The following LRRC37A variants were observed in gnomAD, a reference collection of about 807,000 sequenced individuals.
LRRC37A encodes the protein leucine-rich repeat-containing protein 37A.
A neutral mutation model predicts 35.4 loss-of-function variants in LRRC37A; 3 were observed. That is an observed-to-expected ratio of 0.08 (90% CI 0.04 to 0.22). LRRC37A has a LOEUF of 0.22. Among genes scored for constraint, LRRC37A ranks in the 10% least tolerant of loss-of-function variants. LRRC37A has a pLI of 1.00. For missense variants in LRRC37A, 67 were observed against 565.3 expected, an observed-to-expected ratio of 0.12 and a Z score of 8.94; for synonymous variants, 23 against 215.0, an observed-to-expected ratio of 0.11 and a Z score of 7.81.
chr17:46,280,840 C>T, the LRRC37A span, among the ~76,000 whole-genome samples: 2 of 152,194 alleles, frequency 1.3e-5, no homozygotes, highest in African/African-American at 4.8e-5. Context: ...TTCCAAAGTG[C>T]TAGGATTACA....
the LRRC37A span, among the ~76,000 whole-genome samples, chr17:46,278,999 T>C: frequency 2.0e-5 from 3 of 152,146 alleles, no homozygotes; most frequent in Non-Finnish European, 4.4e-5. Flanking sequence ...GCTTTCACCA[T>C]GTTGGTCAGG....
the LRRC37A span, among the ~76,000 whole-genome samples, chr17:46,284,273 T>A: frequency 6.6e-6 from 1 of 152,250 alleles, no homozygotes; most frequent in African/African-American, 2.4e-5. Context: ...TAGGCAGAGG[T>A]CCCTGCGGCC....
the LRRC37A span, among the ~76,000 whole-genome samples, chr17:46,270,886 C>A: frequency 6.6e-6 from 1 of 152,310 alleles, no homozygotes; most frequent in African/African-American, 2.4e-5. Flanking sequence ...GGCAACAGAG[C>A]GAGACTCTGT....
chr17:46,250,214 A>G, the LRRC37A span, among the ~76,000 whole-genome samples: 1 of 152,360 alleles, frequency 6.6e-6, no homozygotes, highest in South Asian at 2.1e-4. Context: ...TATAGGCATG[A>G]ACCACTGTGC....
the LRRC37A span, among the ~76,000 whole-genome samples, chr17:46,271,182 T>TTTTTTG: frequency 6.7e-6 from 1 of 149,682 alleles, no homozygotes; most frequent in Non-Finnish European, 1.5e-5. Flanking sequence ...TTTTTTTTTT[T>TTTTTTG]GAGAAGGAGT....
At chr17:46,284,783 G>T in the LRRC37A span, among the ~76,000 whole-genome samples, 1 of 152,248 alleles carries the variant, frequency 6.6e-6, no homozygotes, top group East Asian at 1.9e-4. Context: ...CACACATTGA[G>T]ACTACGATTC....
chr17:46,279,231 T>TGGAGTGCAGTGGCACAATCTTGGC, the LRRC37A span, among the ~76,000 whole-genome samples: 1 of 151,034 alleles, frequency 6.6e-6, no homozygotes, highest in Non-Finnish European at 1.5e-5. Context: ...TCGCCTAGGC[T>TGGAGTGCAGTGGCACAATCTTGGC]GGAGTGCAGT....
chr17:46,285,299 G>C, the LRRC37A span, among the ~76,000 whole-genome samples: 6 of 147,314 alleles, frequency 4.1e-5, no homozygotes, highest in East Asian at 1.2e-3. Context: ...GGAGTGCCAT[G>C]GCTCGATCTT....
the LRRC37A span, among the ~76,000 whole-genome samples, chr17:46,262,989 G>A: frequency 6.6e-6 from 1 of 152,220 alleles, no homozygotes; most frequent in Non-Finnish European, 1.5e-5. Context: ...AAGGAGGTTA[G>A]TTAGCTTGAG....
chr17:46,261,506 C>A, the LRRC37A span, among the ~76,000 whole-genome samples: 1 of 151,920 alleles, frequency 6.6e-6, no homozygotes, highest in African/African-American at 2.4e-5. Flanking sequence ...CCACCTCCTG[C>A]GTTCAAGTGA....
the LRRC37A span, among the ~76,000 whole-genome samples, chr17:46,274,072 G>C: frequency 6.6e-6 from 1 of 152,236 alleles, no homozygotes; most frequent in Admixed American, 6.5e-5. Flanking sequence ...AGGGGCCACT[G>C]CTGTCCAGGA....
the LRRC37A span, among the ~76,000 whole-genome samples, chr17:46,251,048 A>C: frequency 6.6e-6 from 1 of 152,174 alleles, no homozygotes; most frequent in Non-Finnish European, 1.5e-5. Context: ...GCAGTGAGCT[A>C]TGATCACACT....
chr17:46,274,666 A>G, the LRRC37A span: 6 of 152,680 alleles, frequency 3.9e-5, no homozygotes, highest in African/African-American at 1.2e-4. Context: ...CAATAAATAA[A>G]TACAGTCAAA....
chr17:46,267,610 C>A, the LRRC37A span: 1 of 1,549,278 alleles, frequency 6.5e-7, no homozygotes, highest in South Asian at 1.1e-5. Flanking sequence ...GTCGTCCAGT[C>A]TTTTTTTGGG....
chr17:46,253,840 C>G, the LRRC37A span, among the ~76,000 whole-genome samples: 1 of 152,144 alleles, frequency 6.6e-6, no homozygotes, highest in African/African-American at 2.4e-5. Flanking sequence ...TTTAGTGCAA[C>G]TCTACCATTT....
At chr17:46,254,419 C>CTATT in the LRRC37A span, among the ~76,000 whole-genome samples, 12,988 of 141,922 alleles carry the variant, frequency 0.092, no homozygotes, top group Middle Eastern at 0.16. Flanking sequence ...ATTTATCTAT[C>CTATT]TATTTATTTA....
At chr17:46,332,503 G>A in intron 9 of LRRC37A, 49 bp from the exon 10 acceptor site, 1 of 1,250,404 alleles carries the variant, frequency 8.0e-7, no homozygotes, top group Non-Finnish European at 1.1e-6. Context: ...CTGGGGTTTT[G>A]AATAGTTAGC....
the LRRC37A span, chr17:46,267,307 T>C: frequency 4.4e-6 from 6 of 1,372,826 alleles, no homozygotes; most frequent in Non-Finnish European, 5.9e-6. Context: ...GTTCCCAAAC[T>C]GTTTTTTGGA....
In LRRC37A at chr17:46,335,577, TGAA is replaced by T. The variant is rs1476621944; in HGVS notation, c.4847_4849del (p.Glu1616del). The T allele has an allele frequency of 2.2e-5, 4 of 183,258 alleles. 1 individual carries two copies. The highest frequency in any genetic ancestry group is 7.2e-5 in the African/African-American group (4 of 55,728). The allele number at this position is 183,258 out of a possible 1,614,324, so 11.4% of individuals were successfully genotyped here. ...GTCACCGAAGGTCATTACAAGAAGATGAAGAAGGATTCTCAAGGTAAATATTAG... is the reference window on the plus strand; with the variant it reads ...GTCACCGAAGGTCATTACAAGAAGATGAAGGATTCTCAAGGTAAATATTAG... On this transcript the variant is annotated inframe_deletion, in exon 11 of 14. Transcript: ENST00000320254.
Sources: allele counts gnomAD v4.1 joint callset (sites outside exome capture counted in the v4.1 genomes callset), GRCh38; gene constraint gnomAD v4.1.1; transcripts MANE v1.5; gene names NCBI Gene and HGNC (gene_info 2026-07-23, HGNC 2026-07-21).